Variants in GPC5 observed in about 807,000 individuals in gnomAD.
The protein encoded by GPC5 is glypican-5.
In GPC5, 47 loss-of-function variants were observed where a neutral mutation model predicts 53.9. That is an observed-to-expected ratio of 0.87 (90% confidence interval 0.69 to 1.11). The LOEUF is 1.11. GPC5 is among the 50% of genes most tolerant of loss of function. The pLI is 0.00. For synonymous variants in GPC5, 286 were observed against 263.3 expected, an observed-to-expected ratio of 1.09 and a Z score of -0.84; for missense variants, 748 against 713.1, an observed-to-expected ratio of 1.05 and a Z score of -0.56.
At chr13:92,243,509 A>G (rs929417907) in intron 7 of GPC5, among the ~76,000 whole-genome samples, 3 of 152,282 alleles carry the variant, frequency 2.0e-5, no homozygotes, top group East Asian at 1.9e-4. Context: ...AAAAATAACT[A>G]GATATGAGAC....
intron 6 of GPC5, among the ~76,000 whole-genome samples, chr13:92,031,833 A>ATAATATATTACATATTATATATAATATG (rs1566403399): frequency 1.3e-4 from 13 of 97,772 alleles, no homozygotes; most frequent in African/African-American, 5.8e-4. Context: ...TATATAATAT[A>ATAATATATTACATATTATATATAATATG]TAATATATTA....
intron 2 of GPC5, among the ~76,000 whole-genome samples, chr13:91,498,798 C>T (rs1254981005): frequency 6.6e-6 from 1 of 151,580 alleles, no homozygotes; most frequent in Non-Finnish European, 1.5e-5. Flanking sequence ...GGTGAAACCC[C>T]GTCTCTACAA....
intron 7 of GPC5, among the ~76,000 whole-genome samples, chr13:92,520,906 T>C (rs1881016719): frequency 6.6e-6 from 1 of 152,202 alleles, no homozygotes; most frequent in African/African-American, 2.4e-5. Context: ...CAAAATCTCC[T>C]TAAGCCGATA....
chr13:91,707,400 A>T (rs1253459472), intron 3 of GPC5, among the ~76,000 whole-genome samples: 2 of 152,086 alleles, frequency 1.3e-5, no homozygotes, highest in African/African-American at 4.8e-5. Context: ...AGATGGGAGG[A>T]TTGCTTAAGC....
intron 2 of GPC5, among the ~76,000 whole-genome samples, chr13:91,579,798 T>C (rs1386659254): frequency 6.6e-6 from 1 of 151,502 alleles, no homozygotes; most frequent in Non-Finnish European, 1.5e-5. Flanking sequence ...CCAGCTTTTT[T>C]GTATTTTTAG....
At chr13:91,874,509 A>T (rs1286176669) in intron 5 of GPC5, among the ~76,000 whole-genome samples, 1 of 152,192 alleles carries the variant, frequency 6.6e-6, no homozygotes, top group Non-Finnish European at 1.5e-5. Flanking sequence ...GGCCTACCAA[A>T]ATAGTGCTGT....
At chr13:91,599,064 G>T (rs2139214089) in intron 2 of GPC5, among the ~76,000 whole-genome samples, 1 of 151,972 alleles carries the variant, frequency 6.6e-6, no homozygotes, top group Non-Finnish European at 1.5e-5. Flanking sequence ...CAGCTTTTGG[G>T]GTATCAAGTG....
chr13:91,631,782 A>G (rs963655676), intron 2 of GPC5, among the ~76,000 whole-genome samples: 4 of 152,144 alleles, frequency 2.6e-5, no homozygotes, highest in African/African-American at 9.7e-5. Context: ...TACTATTAGG[A>G]GAAATAGTAA....
intron 7 of GPC5, among the ~76,000 whole-genome samples, chr13:92,171,200 G>A (rs117564928): frequency 0.028 from 4,321 of 151,984 alleles, 108 homozygotes; most frequent in Middle Eastern, 0.048. Context: ...TCCTGTCAAG[G>A]ACCACTTTTT....
chr13:92,815,343 A>G (rs1453123389), intron 7 of GPC5, among the ~76,000 whole-genome samples: 2 of 151,992 alleles, frequency 1.3e-5, no homozygotes, highest in Non-Finnish European at 2.9e-5. Flanking sequence ...GAGAATACAA[A>G]ATAAGACATA....
chr13:91,951,795 G>A (rs1048833311), intron 6 of GPC5, among the ~76,000 whole-genome samples: 4 of 152,030 alleles, frequency 2.6e-5, no homozygotes, highest in Admixed American at 6.6e-5. Flanking sequence ...AAGTAATTCC[G>A]TTTTGGTCTA....
At chr13:91,939,758 A>G (rs1243253284) in intron 6 of GPC5, among the ~76,000 whole-genome samples, 1 of 152,184 alleles carries the variant, frequency 6.6e-6, no homozygotes, top group East Asian at 1.9e-4. Context: ...GAAGTCATCA[A>G]GCAAGACTAC....
rs1315308843 is a variant in GPC5 at position 91,571,746 on chromosome 13, T to TAC, written c.326-121435_326-121434dup. Among the ~76,000 whole-genome samples, 21 of 143,402 alleles carry TAC rather than the reference T, an allele frequency of 1.5e-4. 1 individual carries two copies. Among genetic ancestry groups the TAC allele is most frequent in the Middle Eastern group, 3.6e-3 (1 of 278 alleles). 94.1% of individuals were successfully genotyped at this position (143,402 alleles called of 152,430 possible). On this transcript the variant is annotated intron_variant, in intron 2 of 7. Transcript: ENST00000377067. ...TCTCAAATATATATATATGTATATA[T>TAC]ACACACATATACATGTGTATGTGTA... is the stretch of plus-strand genomic sequence containing the variant.
At chr13:92,297,671 G>A (rs1446477170) in intron 7 of GPC5, among the ~76,000 whole-genome samples, 2 of 152,154 alleles carry the variant, frequency 1.3e-5, no homozygotes, top group African/African-American at 2.4e-5. Flanking sequence ...GATTGTAAAC[G>A]CACCAATCAG....
intron 5 of GPC5, among the ~76,000 whole-genome samples, chr13:91,876,019 T>A (rs926264899): frequency 3.3e-5 from 5 of 152,220 alleles, no homozygotes; most frequent in Non-Finnish European, 1.5e-5. Flanking sequence ...TGACAGTGAA[T>A]AAGTCTCAGG....
At chr13:92,301,266 G>A (rs1219232791) in intron 7 of GPC5, among the ~76,000 whole-genome samples, 2 of 152,066 alleles carry the variant, frequency 1.3e-5, no homozygotes, top group African/African-American at 4.8e-5. Context: ...AGTGAATAGT[G>A]GGCTAACATT....
intron 7 of GPC5, among the ~76,000 whole-genome samples, chr13:92,370,254 G>A (rs910859611): frequency 3.9e-5 from 6 of 152,136 alleles, no homozygotes; most frequent in African/African-American, 1.2e-4. Context: ...GTTCTTAGGT[G>A]CATGAGTTTT....
intron 2 of GPC5, among the ~76,000 whole-genome samples, chr13:91,500,884 G>A (rs1032802154): frequency 1.2e-4 from 19 of 152,124 alleles, no homozygotes; most frequent in African/African-American, 4.3e-4. Context: ...CTGTTCTCAT[G>A]GTGGTGAATA....
chr13:91,692,564 C>A (rs1472359503), intron 2 of GPC5, among the ~76,000 whole-genome samples: 1 of 152,256 alleles, frequency 6.6e-6, no homozygotes, highest in East Asian at 1.9e-4. Flanking sequence ...CTCAATGACA[C>A]TTTTTTCTAT....
Sources: allele counts gnomAD v4.1 joint callset (sites outside exome capture counted in the v4.1 genomes callset), GRCh38; gene constraint gnomAD v4.1.1; transcripts MANE v1.5; gene names NCBI Gene and HGNC (gene_info 2026-07-23, HGNC 2026-07-21).